The following SLC29A3 variants were observed in gnomAD, a reference collection of about 807,000 sequenced individuals.
SLC29A3 encodes equilibrative nucleoside transporter 3.
A neutral mutation model predicts 25.4 loss-of-function variants in SLC29A3; 18 were observed. The observed-to-expected ratio is 0.71, with a 90% CI of 0.49 to 1.05. SLC29A3 has a LOEUF of 1.05. Ranked by LOEUF, SLC29A3 falls within the 50% of genes least tolerant of loss-of-function variation. The probability of loss-of-function intolerance (pLI) is 0.00; values close to 1 mark genes in which losing one functional copy is unlikely to be tolerated. For synonymous variants in SLC29A3, 258 were observed against 267.1 expected (o/e 0.97, Z 0.33); for missense variants, 586 against 609.0 (o/e 0.96, Z 0.40).
intron 3 of SLC29A3, 34 bp from the exon 4 acceptor site, chr10:71,351,528 G>T (rs1564537851): frequency 1.2e-6 from 2 of 1,602,752 alleles, no homozygotes; most frequent in Non-Finnish European, 8.5e-7. Flanking sequence ...AGCCCCGAAG[G>T]GGTGTCTAAC....
At chr10:71,336,525 G>C (rs1318662496) in intron 2 of SLC29A3, among the ~76,000 whole-genome samples, 1 of 151,912 alleles carries the variant, frequency 6.6e-6, no homozygotes, top group Non-Finnish European at 1.5e-5. Context: ...GGAGTGTGGA[G>C]TGAAGGGGAG....
Position 71,322,917 on chromosome 10 carries a change from A to G in SLC29A3, c.163A>G (p.Ile55Val), listed in dbSNP as rs774173242. The G allele has an allele frequency of 1.9e-6, 3 of 1,614,192 alleles. No homozygotes were observed. Among genetic ancestry groups the G allele is most frequent in the Admixed American group, 1.7e-5 (1 of 60,028 alleles). Reference protein sequence around the residue: ...RPEDRFCGTYIIFFSLGIGSL... With the variant: ...RPEDRFCGTYVIFFSLGIGSL... ...CGAGGACCGCTTCTGTGGCACATAC[A>G]TCATCTTCTTCAGCCTGGGCATTGG... The change falls in exon 2 of 6, where the codon ATC (isoleucine) becomes GTC (valine). Residue 55 changes from isoleucine to valine, a missense_variant. Ile to Val is a conservative substitution (Grantham distance 29). Coordinates refer to ENST00000373189, the MANE Select transcript of SLC29A3 (RefSeq NM_018344.6).
intron 3 of SLC29A3, among the ~76,000 whole-genome samples, chr10:71,350,386 TAAAA>T (rs538258026): frequency 6.6e-6 from 1 of 151,340 alleles, no homozygotes; most frequent in South Asian, 2.1e-4. Flanking sequence ...TTTTTTTAAT[TAAAA>T]AAAAGTATGT....
chr10:71,346,567 CG>C (rs1846588423), intron 3 of SLC29A3, among the ~76,000 whole-genome samples: 1 of 152,152 alleles, frequency 6.6e-6, no homozygotes, highest in Admixed American at 6.5e-5. Flanking sequence ...TAGCCTGGCA[CG>C]GTGACACATG....
intron 2 of SLC29A3, among the ~76,000 whole-genome samples, chr10:71,327,893 C>A (rs1846008923): frequency 6.6e-6 from 1 of 152,138 alleles, no homozygotes; most frequent in Admixed American, 6.5e-5. Context: ...CTCCCCGGCT[C>A]TGGGGTTGTA....
chr10:71,332,295 G>A (rs374281769), intron 2 of SLC29A3, among the ~76,000 whole-genome samples: 1 of 151,582 alleles, frequency 6.6e-6, no homozygotes, highest in Non-Finnish European at 1.5e-5. Flanking sequence ...GATTACAGGC[G>A]CCCGCCACCA....
At chr10:71,373,922 T>C (rs902769947) in intron 3 of SLC29A3, among the ~76,000 whole-genome samples, 1 of 152,292 alleles carries the variant, frequency 6.6e-6, no homozygotes, top group Admixed American at 6.5e-5. Flanking sequence ...TCTACATTCG[T>C]TCACAGGAGA....
At chr10:71,361,100 C>T (rs759971589) in intron 5 of SLC29A3, among the ~76,000 whole-genome samples, 6 of 152,130 alleles carry the variant, frequency 3.9e-5, no homozygotes, top group Non-Finnish European at 7.3e-5. Context: ...TTTGTGTGTG[C>T]ATGGAACAGT....
intron 2 of SLC29A3, 67 bp from the exon 3 acceptor site, chr10:71,344,142 G>A (rs913021134): frequency 1.3e-5 from 16 of 1,272,722 alleles, no homozygotes; most frequent in Non-Finnish European, 1.8e-5. Flanking sequence ...CCCTGTCTCT[G>A]CTCGCGTGGA....
chr10:71,320,385 G>C (rs542194494), intron 1 of SLC29A3, among the ~76,000 whole-genome samples: 1 of 152,292 alleles, frequency 6.6e-6, no homozygotes, highest in East Asian at 1.9e-4. Context: ...AAATAGCATA[G>C]ACTGGGTGGC....
In SLC29A3 at chr10:71,329,457, C is replaced by CGGA. The variant is rs3059614; in HGVS notation, c.300+6403_300+6404insGGA. On this transcript the variant is annotated intron_variant, in intron 2 of 5. Transcript: ENST00000373189. ...TGGGCAACAGAGCAAGACTCTGTCT[C>CGGA]AAAAAAAAAAAAAAAAGAAAAGAAA... is the stretch of plus-strand genomic sequence containing the variant. 5.9e-4 allele frequency among the ~76,000 whole-genome samples: 71 copies of CGGA among 120,478 alleles called. 1 individual carries two copies. The highest frequency in any genetic ancestry group is 7.1e-4 in the Non-Finnish European group (40 of 56,042). The allele number at this position is 120,478 out of a possible 152,430, so 79.0% of individuals were successfully genotyped here.
chr10:71,334,925 TC>T (rs3837345), intron 2 of SLC29A3, among the ~76,000 whole-genome samples: 2 of 150,264 alleles, frequency 1.3e-5, no homozygotes, highest in South Asian at 2.1e-4. Flanking sequence ...CAGTCTTTTT[TC>T]CCCCCACTTG....
At chr10:71,337,594 G>A (rs966167180) in intron 2 of SLC29A3, among the ~76,000 whole-genome samples, 8 of 152,122 alleles carry the variant, frequency 5.3e-5, no homozygotes, top group African/African-American at 1.9e-4. Flanking sequence ...AAGCTGCCTC[G>A]CAGAAGCCAC....
chr10:71,349,188 A>T (rs892443846), intron 3 of SLC29A3, among the ~76,000 whole-genome samples: 1 of 152,178 alleles, frequency 6.6e-6, no homozygotes, highest in African/African-American at 2.4e-5. Context: ...TGAAACCCTG[A>T]TGTACCTCTT....
chr10:71,376,810 C>A (rs1847255642), intron 4 of SLC29A3, among the ~76,000 whole-genome samples: 1 of 152,150 alleles, frequency 6.6e-6, no homozygotes, highest in Non-Finnish European at 1.5e-5. Flanking sequence ...GTTGCCCAGA[C>A]TGGAATGCAG....
intron 3 of SLC29A3, among the ~76,000 whole-genome samples, chr10:71,368,786 T>TACTACTTCCTGGCTGTGTG (rs1290986021): frequency 1.2e-4 from 19 of 152,198 alleles, no homozygotes; most frequent in African/African-American, 4.1e-4. Context: ...TTTGAGTCCT[T>TACTACTTCCTGGCTGTGTG]ACTACTTCCT....
chr10:71,331,506 G>A (rs1278043973), intron 2 of SLC29A3, among the ~76,000 whole-genome samples: 4 of 152,138 alleles, frequency 2.6e-5, no homozygotes, highest in Non-Finnish European at 5.9e-5. Flanking sequence ...ATGAAGAAGA[G>A]GGAGCATAGC....
chr10:71,369,812 A>G (rs1322446043), intron 3 of SLC29A3, among the ~76,000 whole-genome samples: 1 of 152,230 alleles, frequency 6.6e-6, no homozygotes, highest in Non-Finnish European at 1.5e-5. Flanking sequence ...TGAGACTCAG[A>G]AAGATTAAGT....
intron 3 of SLC29A3, among the ~76,000 whole-genome samples, chr10:71,345,213 A>ATG (rs1846535285): frequency 6.6e-6 from 1 of 152,214 alleles, no homozygotes; most frequent in Non-Finnish European, 1.5e-5. Context: ...TCTGTTACAT[A>ATG]ATATGATCCC....
Sources: allele counts gnomAD v4.1 joint callset (sites outside exome capture counted in the v4.1 genomes callset), GRCh38; gene constraint gnomAD v4.1.1; transcripts MANE v1.5; gene names NCBI Gene and HGNC (gene_info 2026-07-23, HGNC 2026-07-21).